The following AP1M1 variants were observed in gnomAD, a reference collection of about 807,000 sequenced individuals.
AP1M1 encodes the protein AP-1 complex subunit mu-1.
A neutral mutation model predicts 57.1 loss-of-function variants in AP1M1; 18 were observed. That is an observed-to-expected ratio of 0.32 (90% CI 0.22 to 0.47). The LOEUF (loss-of-function observed/expected upper bound fraction) is 0.47, where lower values mean the gene tolerates loss of function less well. Ranked by LOEUF, AP1M1 falls within the 20% of genes least tolerant of loss-of-function variation. AP1M1 has a pLI of 1.00. For synonymous variants in AP1M1, 241 were observed against 237.9 expected (o/e 1.01, Z -0.12); for missense variants, 362 against 593.5 (o/e 0.61, Z 4.05).
In AP1M1 at chr19:16,207,850, C is replaced by G. The variant is rs2091475766; in HGVS notation, c.268-169C>G. 1.3e-5 allele frequency among the ~76,000 whole-genome samples: 2 copies of G among 152,170 alleles called. No individual in the cohort carries two copies. The highest frequency in any genetic ancestry group is 2.9e-5 in the Non-Finnish European group (2 of 68,026). ...CCACCCCACAGCCAGCCACTGCTGTCCTGCCCCATAACCTGGGTCCAGGGC... is the reference window on the plus strand; with the variant it reads ...CCACCCCACAGCCAGCCACTGCTGTGCTGCCCCATAACCTGGGTCCAGGGC... On this transcript the variant is annotated intron_variant, in intron 3 of 11. Transcript: ENST00000291439. The surrounding 1 kb of genome is among the most constrained non-coding windows in gnomAD (Gnocchi z 4.2).
intron 6 of AP1M1, chr19:16,226,748 TCCA>T: frequency 3.0e-6 from 2 of 669,972 alleles, no homozygotes; most frequent in Non-Finnish European, 4.6e-6. Flanking sequence ...GTGAAGATCC[TCCA>T]GTCCAGCTGG....
rs1000406528 is a variant in AP1M1 at position 16,239,188 on chromosome 19, T to A, written c.*4753T>A. The A allele has an allele frequency of 3.0e-5, 4 of 134,802 alleles. No individual in the cohort carries two copies. The highest frequency in any genetic ancestry group is 1.1e-4 in the African/African-American group (4 of 36,454). The allele number at this position is 134,802 out of a possible 1,614,324, so 8.4% of individuals were successfully genotyped here. On this transcript the variant is annotated 3_prime_UTR_variant, in exon 12 of 12. Coordinates refer to ENST00000291439, the MANE Select transcript of AP1M1 (RefSeq NM_032493.4). ...CTTCAGGTGATCCGCCCCCCTCACC[T>A]TCCCAAAGTGCTGGGATTACAGGCA...
chr19:16,202,740 A>G (rs1215961279), intron 1 of AP1M1, among the ~76,000 whole-genome samples: 1 of 152,188 alleles, frequency 6.6e-6, no homozygotes, highest in East Asian at 1.9e-4. Flanking sequence ...GCTGAAGGAC[A>G]TTGGCATTGT....
chr19:16,213,815 A>T (rs1322806696), intron 5 of AP1M1, among the ~76,000 whole-genome samples: 2 of 152,046 alleles, frequency 1.3e-5, no homozygotes, highest in African/African-American at 4.8e-5. Context: ...TCTTAAAGGG[A>T]GCATATCATT....
chr19:16,210,375 G>A (rs771524667), intron 5 of AP1M1: 3 of 718,440 alleles, frequency 4.2e-6, no homozygotes, highest in South Asian at 3.0e-5. Flanking sequence ...ATACCCAGGA[G>A]TGGGATGGCT....
At position 16,228,507 on chromosome 19, in the gene AP1M1, C is replaced by T. The variant is rs2091581084; in HGVS notation, c.889-263C>T. 6.6e-6 allele frequency among the ~76,000 whole-genome samples: 1 copy of T among 152,178 alleles called. No homozygotes were observed. The highest frequency in any genetic ancestry group is 1.5e-5 in the Non-Finnish European group (1 of 68,010). Reference sequence around the variant, plus strand: ...GCGCAGCCTGGCCCTGGGACATAGACATTGTCCTAGGAGGGCAGGGCAGAG... The same window carrying T: ...GCGCAGCCTGGCCCTGGGACATAGATATTGTCCTAGGAGGGCAGGGCAGAG... On this transcript the variant is annotated intron_variant, in intron 8 of 11. Coordinates refer to ENST00000291439, the MANE Select transcript of AP1M1 (RefSeq NM_032493.4). This position sits in a 1 kb window ranked among gnomAD's most constrained non-coding sequence, Gnocchi z 5.0.
intron 1 of AP1M1, among the ~76,000 whole-genome samples, chr19:16,199,366 C>T (rs1025130999): frequency 6.6e-6 from 1 of 152,140 alleles, no homozygotes; most frequent in Non-Finnish European, 1.5e-5. Context: ...AGGGATTGTC[C>T]CCACCTTTTA....
chr19:16,222,945 A>C (rs894282578), intron 5 of AP1M1, among the ~76,000 whole-genome samples: 5 of 152,210 alleles, frequency 3.3e-5, no homozygotes, highest in African/African-American at 4.8e-5. Flanking sequence ...AGTCTTCATC[A>C]GATAATCCCA....
intron 2 of AP1M1, among the ~76,000 whole-genome samples, chr19:16,204,987 C>T (rs1451238129): frequency 2.0e-5 from 3 of 152,072 alleles, no homozygotes; most frequent in Admixed American, 1.3e-4. Flanking sequence ...CCCGCCACCA[C>T]GCCCAGCTAA....
chr19:16,209,619 GAA>G (rs11305393), intron 5 of AP1M1, among the ~76,000 whole-genome samples: 15 of 146,792 alleles, frequency 1.0e-4, no homozygotes, highest in African/African-American at 7.6e-5. Context: ...ACCATGCACA[GAA>G]AAAAAAAAAA....
chr19:16,215,136 T>C (rs1409925023), intron 5 of AP1M1, among the ~76,000 whole-genome samples: 2 of 140,618 alleles, frequency 1.4e-5, no homozygotes, highest in Non-Finnish European at 3.1e-5. Flanking sequence ...AAATGTTTAA[T>C]ATATTGGCCA....
In AP1M1 at chr19:16,203,956, C is replaced by T. The variant is rs891972897; in HGVS notation, c.199+341C>T. ...TGGGTGAAGGCTCTGCAGGGAAGAGCCTCATTCCAACAGCTGCACTCGGGG... is the reference window on the plus strand; with the variant it reads ...TGGGTGAAGGCTCTGCAGGGAAGAGTCTCATTCCAACAGCTGCACTCGGGG... On this transcript the variant is annotated intron_variant, in intron 2 of 11. Transcript: ENST00000291439. This position sits in a 1 kb window ranked among gnomAD's most constrained non-coding sequence, Gnocchi z 4.6. 6.6e-6 allele frequency among the ~76,000 whole-genome samples: 1 copy of T among 152,094 alleles called. No homozygotes were observed. The highest frequency in any genetic ancestry group is 2.4e-5 in the African/African-American group (1 of 41,398).
chr19:16,228,744 C>G lies in AP1M1; in HGVS notation c.889-26C>G. On this transcript the variant is annotated intron_variant, in intron 8 of 11. Coordinates refer to ENST00000291439, the MANE Select transcript of AP1M1 (RefSeq NM_032493.4). This position sits in a 1 kb window ranked among gnomAD's most constrained non-coding sequence, Gnocchi z 5.0. ...CCAGCTCACCTTGGCCTCCATAACC[C>G]CGGGCCGCATTGGCCTGGCCTGCAG... 6.2e-7 allele frequency: 1 copy of G among 1,612,578 alleles called. No individual in the cohort carries two copies. Among genetic ancestry groups the G allele is most frequent in the South Asian group, 1.1e-5 (1 of 91,060 alleles).
rs753184091 is a variant in AP1M1, at chr19:16,228,953, C to T, written c.1047+25C>T. ...GGTGAGCACTCTGTCCAGACATCCA[C>T]GTGCCCCCTGCGCCTGTCTCTGCAA... On this transcript the variant is annotated intron_variant, in intron 9 of 11. Coordinates refer to ENST00000291439, the MANE Select transcript of AP1M1 (RefSeq NM_032493.4). This position sits in a 1 kb window ranked among gnomAD's most constrained non-coding sequence, Gnocchi z 5.0. 38 of 1,608,736 alleles carry T rather than the reference C, an allele frequency of 2.4e-5. No homozygotes were observed. The South Asian group carries it at 2.4e-4, about 10-fold the overall frequency.
At position 16,242,824 on chromosome 19, in the gene AP1M1, G is replaced by T. The variant is rs1474491522; in HGVS notation, c.*8389G>T. 1 of 152,226 alleles carries T rather than the reference G, an allele frequency of 6.6e-6. No individual in the cohort carries two copies. The allele number at this position is 152,226 out of a possible 1,614,324, so 9.4% of individuals were successfully genotyped here. On this transcript the variant is annotated 3_prime_UTR_variant, in exon 12 of 12. Coordinates refer to ENST00000291439, the MANE Select transcript of AP1M1 (RefSeq NM_032493.4). Reference sequence around the variant, plus strand: ...GCTGGAGTGCAGTGGCGCGATCTTTGCTTACTGCAACCTCCGCCTCCCGGG... The same window carrying T: ...GCTGGAGTGCAGTGGCGCGATCTTTTCTTACTGCAACCTCCGCCTCCCGGG...
chr19:16,201,723 A>C (rs2145111400), intron 1 of AP1M1, among the ~76,000 whole-genome samples: 1 of 152,196 alleles, frequency 6.6e-6, no homozygotes, highest in South Asian at 2.1e-4. Context: ...AGGAGGTGTT[A>C]TTTGAGCTGA....
Position 16,239,937 on chromosome 19 carries a change from C to G in AP1M1, c.*5502C>G, listed in dbSNP as rs577325667. ...ATATATATATTTACAGTCAACCCTC[C>G]ACATCCATGGGTTCTGCATCCATGG... On this transcript the variant is annotated 3_prime_UTR_variant, in exon 12 of 12. Coordinates refer to ENST00000291439, the MANE Select transcript of AP1M1 (RefSeq NM_032493.4). 1.2e-4 allele frequency: 18 copies of G among 152,276 alleles called. No homozygotes were observed. Among genetic ancestry groups the G allele is most frequent in the African/African-American group, 3.8e-4 (16 of 41,566 alleles). 9.4% of individuals were successfully genotyped at this position (152,276 alleles called of 1,614,324 possible).
At chr19:16,202,510 C>T (rs2091452922) in intron 1 of AP1M1, among the ~76,000 whole-genome samples, 1 of 152,234 alleles carries the variant, frequency 6.6e-6, no homozygotes, top group Admixed American at 6.5e-5. Flanking sequence ...CACCCCTTTG[C>T]TGTCTAGCCC....
Position 16,233,476 on chromosome 19 carries a change from C to A in AP1M1, c.1048-17C>A. 1 of 1,587,180 alleles carries A rather than the reference C, an allele frequency of 6.3e-7. No homozygotes were observed. The highest frequency in any genetic ancestry group is 8.6e-7 in the Non-Finnish European group (1 of 1,167,780). ...GGCAGGGCCTAGGCCTGAGCGCCTC[C>A]CCCGTCTGCTCCCCAGGGCGGCAAG... On this transcript the variant is annotated splice_polypyrimidine_tract_variant and intron_variant, in intron 9 of 11. Transcript: ENST00000291439.
Sources: allele counts gnomAD v4.1 joint callset (sites outside exome capture counted in the v4.1 genomes callset), GRCh38; gene constraint gnomAD v4.1.1; non-coding constraint Gnocchi (gnomAD v3.1); transcripts MANE v1.5; gene names NCBI Gene and HGNC (gene_info 2026-07-23, HGNC 2026-07-21).